The following MARCHF10 variants were observed in gnomAD, a reference collection of about 807,000 sequenced individuals.
The protein encoded by MARCHF10 is probable E3 ubiquitin-protein ligase MARCHF10.
In MARCHF10, 64 loss-of-function variants were observed where a neutral mutation model predicts 76.2. The ratio of observed to expected loss-of-function variants is 0.84; its 90% CI spans 0.69 to 1.03. The LOEUF is 1.03. Ranked by LOEUF, MARCHF10 falls within the 50% of genes least tolerant of loss-of-function variation. MARCHF10 has a pLI of 0.00. For missense variants in MARCHF10, 875 were observed against 958.0 expected (o/e 0.91, Z 1.14); for synonymous variants, 340 against 357.5 (o/e 0.95, Z 0.55).
At chr17:62,705,015 G>A in intron 10 of MARCHF10, 1 of 985,150 alleles carries the variant, frequency 1.0e-6, no homozygotes, top group Non-Finnish European at 1.2e-6. Flanking sequence ...GCAGAGAGCC[G>A]TCTTGCCCGC....
chr17:62,790,453 G>A (rs1333637130), intron 2 of MARCHF10, among the ~76,000 whole-genome samples: 1 of 152,242 alleles, frequency 6.6e-6, no homozygotes, highest in Admixed American at 6.5e-5. Context: ...TGAGATTACA[G>A]GCATGAGCCG....
At chr17:62,771,364 G>A (rs2148013026) in intron 3 of MARCHF10, among the ~76,000 whole-genome samples, 1 of 152,030 alleles carries the variant, frequency 6.6e-6, no homozygotes, top group South Asian at 2.1e-4. Flanking sequence ...GCTGCAAGGG[G>A]AGGGAACAGC....
chr17:62,773,395 T>C (rs1014377458), intron 3 of MARCHF10, among the ~76,000 whole-genome samples: 7 of 152,140 alleles, frequency 4.6e-5, no homozygotes, highest in Non-Finnish European at 1.0e-4. Flanking sequence ...ATGATGAGCA[T>C]GGAAGCCAGA....
intron 6 of MARCHF10, among the ~76,000 whole-genome samples, chr17:62,732,935 G>A (rs191450383): frequency 1.9e-4 from 28 of 143,898 alleles, no homozygotes; most frequent in Non-Finnish European, 2.5e-4. Flanking sequence ...GGAAGTTGCA[G>A]TGAGCTAAGA....
At chr17:62,744,762 C>T (rs543937564) in intron 4 of MARCHF10, among the ~76,000 whole-genome samples, 76 of 152,210 alleles carry the variant, frequency 5.0e-4, no homozygotes, top group African/African-American at 1.8e-3. Flanking sequence ...CTACCTGCTA[C>T]ATGGAAATAA....
chr17:62,736,076 T>C lies in MARCHF10; in HGVS notation c.1792A>G (p.Asn598Asp). Residue 598 changes from asparagine (N) to aspartate (D), a missense_variant, in exon 6 of 11, where the codon AAT (asparagine) becomes GAT (aspartate). Physicochemically the swap from Asn to Asp is conservative, Grantham distance 23 (BLOSUM62 1). Coordinates refer to ENST00000311269, the MANE Select transcript of MARCHF10 (RefSeq NM_152598.4). ...ACTGCAAAGAAAGTAAATGGTGTAT[T>C]TTCTTGCAGAGACCCAGACACATGC... ...HLHVSGSLQE[N>D]TPFTFFAVSH... 6.2e-7 allele frequency: 1 copy of C among 1,614,218 alleles called. No homozygotes were observed. The highest frequency in any genetic ancestry group is 8.5e-7 in the Non-Finnish European group (1 of 1,180,036).
chr17:62,741,875 T>C (rs1251468312), intron 5 of MARCHF10, among the ~76,000 whole-genome samples: 9 of 151,702 alleles, frequency 5.9e-5, no homozygotes, highest in Admixed American at 1.3e-4. Context: ...TTTTTTTGTA[T>C]TTTTAGTAGA....
intron 2 of MARCHF10, among the ~76,000 whole-genome samples, chr17:62,798,781 T>C (rs909008957): frequency 1.3e-5 from 2 of 152,166 alleles, no homozygotes; most frequent in African/African-American, 4.8e-5. Context: ...GGGAGAGACT[T>C]AAGCACGTTC....
At chr17:62,735,389 A>T (rs1167765180) in intron 6 of MARCHF10, 1 of 152,486 alleles carries the variant, frequency 6.6e-6, no homozygotes, top group East Asian at 1.9e-4. Flanking sequence ...CTCTTGCATG[A>T]AAAAGAGCAC....
At chr17:62,753,094 T>A (rs927972912) in intron 4 of MARCHF10, among the ~76,000 whole-genome samples, 2 of 150,350 alleles carry the variant, frequency 1.3e-5, no homozygotes, top group Non-Finnish European at 3.0e-5. Flanking sequence ...AAACCAGAGC[T>A]TCTCTCTCTC....
At position 62,724,933 on chromosome 17, in the gene MARCHF10, C is replaced by T. The variant is rs750443166; in HGVS notation, c.2104+5G>A. On this transcript the variant is annotated splice_donor_5th_base_variant and intron_variant, in intron 7 of 10. Transcript: ENST00000311269. ...CACGTTCACTGCACTTCCTTCCCCA[C>T]CTACCTGATGTTATTTTCACTTTCA... 1.2e-6 allele frequency: 2 copies of T among 1,611,206 alleles called. No individual in the cohort carries two copies. The highest frequency in any genetic ancestry group is 1.7e-5 in the Admixed American group (1 of 59,414).
At chr17:62,703,447 G>C (rs2089371414) in intron 10 of MARCHF10, 1 of 152,418 alleles carries the variant, frequency 6.6e-6, no homozygotes, top group African/African-American at 2.4e-5. Context: ...CTCTTGTCTT[G>C]AGAACGGCTC....
intron 3 of MARCHF10, among the ~76,000 whole-genome samples, chr17:62,770,623 C>T (rs2092426559): frequency 6.7e-6 from 1 of 149,534 alleles, no homozygotes; most frequent in Admixed American, 6.8e-5. Context: ...TCACTGAAAC[C>T]TCGGCCTGCT....
chr17:62,742,666 T>C (rs1214049780), intron 5 of MARCHF10, among the ~76,000 whole-genome samples: 3 of 145,018 alleles, frequency 2.1e-5, no homozygotes, highest in Non-Finnish European at 4.5e-5. Context: ...CGCTTACCTT[T>C]CTCCTTCCTT....
At position 62,737,204 on chromosome 17, in the gene MARCHF10, C is replaced by A. The variant is rs937728821; in HGVS notation, c.664G>T (p.Asp222Tyr). Residue 222 changes from aspartate (D) to tyrosine (Y), a missense_variant, in exon 6 of 11, where the codon GAC becomes TAC. Asp to Tyr is a radical substitution (Grantham distance 160). Transcript: ENST00000311269. ...ENAPDRAKKGDPSAPSQSELH... is the reference protein window; with the variant it reads ...ENAPDRAKKGYPSAPSQSELH... ...TCACTCTGGGAAGGAGCACTCGGGT[C>A]TCCTTTTTTGGCTCTATCAGGGGCG... 1 of 1,613,962 alleles carries A rather than the reference C, an allele frequency of 6.2e-7. No individual in the cohort carries two copies. The highest frequency in any genetic ancestry group is 8.5e-7 in the Non-Finnish European group (1 of 1,180,036).
chr17:62,756,816 CT>C (rs1166166215), intron 4 of MARCHF10, among the ~76,000 whole-genome samples: 1 of 152,212 alleles, frequency 6.6e-6, no homozygotes, highest in African/African-American at 2.4e-5. Context: ...CTCCAAAACA[CT>C]TGCCCATAAA....
chr17:62,708,430 G>A (rs1012709610), intron 9 of MARCHF10, among the ~76,000 whole-genome samples: 4 of 152,060 alleles, frequency 2.6e-5, no homozygotes, highest in Admixed American at 2.6e-4. Context: ...ATTTTTAGTA[G>A]AGACAGGGTT....
At chr17:62,715,470 G>C (rs896985860) in intron 8 of MARCHF10, among the ~76,000 whole-genome samples, 1 of 152,226 alleles carries the variant, frequency 6.6e-6, no homozygotes, top group Non-Finnish European at 1.5e-5. Flanking sequence ...TTGGAGGCTA[G>C]AATGTTATTT....
Position 62,753,912 on chromosome 17 carries a change from T to C in MARCHF10, c.382+5923A>G, listed in dbSNP as rs185872519. On this transcript the variant is annotated intron_variant, in intron 4 of 10. Transcript: ENST00000311269. ...ACGTATAAATGAAGTGCTGAATGAA[T>C]GAGCAGTGGATGAGTACACCAGTTC... is the stretch of plus-strand genomic sequence containing the variant. 2.0e-5 allele frequency among the ~76,000 whole-genome samples: 3 copies of C among 152,282 alleles called. No homozygotes were observed. The East Asian group carries it at 5.8e-4, about 29-fold the overall frequency.
Sources: allele counts gnomAD v4.1 joint callset (sites outside exome capture counted in the v4.1 genomes callset), GRCh38; gene constraint gnomAD v4.1.1; transcripts MANE v1.5; gene names NCBI Gene and HGNC (gene_info 2026-07-23, HGNC 2026-07-21).